LHX8: variants seen among roughly 807,000 people sequenced by gnomAD.
The protein encoded by LHX8 is LIM/homeobox protein Lhx8.
A neutral mutation model predicts 40.3 loss-of-function variants in LHX8; 12 were observed. The observed-to-expected ratio is 0.30, with a 90% CI of 0.19 to 0.48. The LOEUF (loss-of-function observed/expected upper bound fraction) is 0.48, where lower values mean the gene tolerates loss of function less well. Among genes scored for constraint, LHX8 ranks in the 20% least tolerant of loss-of-function variants. The pLI, the probability that LHX8 is intolerant of heterozygous loss-of-function variation, is 0.99. For missense variants in LHX8, 344 were observed against 433.7 expected (o/e 0.79, Z 1.84); for synonymous variants, 179 against 162.0 (o/e 1.10, Z -0.80).
In LHX8 at chr1:75,161,148, C is replaced by T. The variant is rs556833068; in HGVS notation, c.*253C>T. On this transcript the variant is annotated 3_prime_UTR_variant, in exon 9 of 9. Transcript: ENST00000356261. Reference sequence around the variant, plus strand: ...TTTTGTATTGTCTGGAAATAGTTCACTCTAGTGTGTATCTGTTAATTTATT... The same window carrying T: ...TTTTGTATTGTCTGGAAATAGTTCATTCTAGTGTGTATCTGTTAATTTATT... The T allele has an allele frequency of 2.4e-4, 112 of 462,930 alleles. No homozygotes were observed. The highest frequency in any genetic ancestry group is 2.1e-3 in the African/African-American group (109 of 50,820). The allele number at this position is 462,930 out of a possible 1,614,324, so 28.7% of individuals were successfully genotyped here. A position where few individuals can be genotyped will look rare whatever the true frequency, so the allele number is the denominator to read the frequency against.
intron 6 of LHX8, among the ~76,000 whole-genome samples, chr1:75,146,682 G>C (rs1526511): frequency 0.22 from 34,040 of 152,022 alleles, 4,401 homozygotes; most frequent in Middle Eastern, 0.34. Flanking sequence ...AAACTAAGTA[G>C]AAATTAAAAG....
At chr1:75,159,419 T>A (rs1648856626) in intron 8 of LHX8, 1 of 152,140 alleles carries the variant, frequency 6.6e-6, no homozygotes, top group South Asian at 2.1e-4. Context: ...TCAAATATTG[T>A]TTTTGCTCCT....
chr1:75,147,296 T>G (rs1024967408), intron 6 of LHX8, among the ~76,000 whole-genome samples: 5 of 152,156 alleles, frequency 3.3e-5, no homozygotes, highest in African/African-American at 1.2e-4. Flanking sequence ...CAGAACAATA[T>G]TGGCCTTTTT....
At chr1:75,190,932 A>G in the LHX8 span, among the ~76,000 whole-genome samples, 1 of 152,198 alleles carries the variant, frequency 6.6e-6, no homozygotes, top group Non-Finnish European at 1.5e-5. Flanking sequence ...AGAAAAGATT[A>G]TGGTGATAGT....
At chr1:75,190,838 T>C in the LHX8 span, among the ~76,000 whole-genome samples, 1 of 152,188 alleles carries the variant, frequency 6.6e-6, no homozygotes, top group African/African-American at 2.4e-5. Context: ...AATAACCACA[T>C]CTTGTGCTAA....
chr1:75,187,741 G>A, the LHX8 span, among the ~76,000 whole-genome samples: 2 of 152,156 alleles, frequency 1.3e-5, no homozygotes, highest in Admixed American at 1.3e-4. Context: ...AAACAAGACA[G>A]CATGGGAGTT....
intron 8 of LHX8, chr1:75,159,977 G>A (rs1307093837): frequency 6.6e-6 from 1 of 152,108 alleles, no homozygotes; most frequent in Non-Finnish European, 1.5e-5. Flanking sequence ...TTTTTAACTA[G>A]GGCTTCTCCT....
At chr1:75,178,468 TTATAG>T in the LHX8 span, among the ~76,000 whole-genome samples, 1 of 152,336 alleles carries the variant, frequency 6.6e-6, no homozygotes, top group Admixed American at 6.5e-5. Flanking sequence ...TTAAAGGTGT[TTATAG>T]TATTCTTTGA....
chr1:75,148,795 A>T (rs1387815812), intron 7 of LHX8, 113 bp downstream of exon 7: 3 of 728,204 alleles, frequency 4.1e-6, no homozygotes, highest in Non-Finnish European at 7.2e-6. Flanking sequence ...CTCCCACCTC[A>T]GCCTCCCAAA....
chr1:75,153,629 C>T (rs898343016), intron 7 of LHX8, among the ~76,000 whole-genome samples: 1 of 151,958 alleles, frequency 6.6e-6, no homozygotes, highest in African/African-American at 2.4e-5. Context: ...CCAGGCTGGT[C>T]TTGAACTCCT....
chr1:75,134,169 C>T (rs562694166), upstream of LHX8, among the ~76,000 whole-genome samples: 3 of 152,040 alleles, frequency 2.0e-5, no homozygotes, highest in African/African-American at 7.2e-5. Flanking sequence ...AACAGGACAT[C>T]CCCCAATTTT....
At chr1:75,167,719 A>G in the LHX8 span, among the ~76,000 whole-genome samples, 1 of 152,176 alleles carries the variant, frequency 6.6e-6, no homozygotes, top group East Asian at 1.9e-4. Context: ...TAGGGTTTCT[A>G]GGAGCTAGCA....
chr1:75,183,494 C>T, the LHX8 span, among the ~76,000 whole-genome samples: 1 of 151,830 alleles, frequency 6.6e-6, no homozygotes, highest in African/African-American at 2.4e-5. Context: ...AAAAAAAAAT[C>T]TTCAACCAAG....
Position 75,143,148 on chromosome 1 carries a change from G to A in LHX8, c.390G>A (p.Gly130=), listed in dbSNP as rs148556375. The A allele has an allele frequency of 8.1e-6, 13 of 1,613,512 alleles. No homozygotes were observed. The African/African-American group carries it at 1.6e-4, about 20-fold the overall frequency. Residue 130 remains glycine, a synonymous_variant, in exon 5 of 9, where the codon GGG becomes GGA. Transcript: ENST00000356261. ...ATGGAACTCGCTGCTCTCGATGTGG[G>A]AGACACATCCATTCTACTGACTGGG... ...RRYGTRCSRC[G]RHIHSTDWVR...
chr1:75,131,967 AGAT>A (rs1647986095), upstream of LHX8: 1 of 152,230 alleles, frequency 6.6e-6, no homozygotes, highest in Non-Finnish European at 1.5e-5. Flanking sequence ...TGGACACATA[AGAT>A]GATGTTTTTT....
the LHX8 span, among the ~76,000 whole-genome samples, chr1:75,173,501 G>C: frequency 1.4e-5 from 2 of 146,368 alleles, no homozygotes; most frequent in African/African-American, 5.1e-5. Flanking sequence ...TCCTGCCTCA[G>C]CCTCCCGAGT....
chr1:75,136,166 A>G (rs1177717085), intron 1 of LHX8, among the ~76,000 whole-genome samples: 2 of 150,364 alleles, frequency 1.3e-5, no homozygotes, highest in African/African-American at 4.9e-5. Context: ...TTCTTCTCCC[A>G]CCCCCTCCTC....
intron 2 of LHX8, 59 bp downstream of exon 2, chr1:75,136,748 G>C: frequency 7.4e-7 from 1 of 1,345,862 alleles, no homozygotes; most frequent in Non-Finnish European, 1.0e-6. Flanking sequence ...GGCGCAGGAC[G>C]AAGGGCCGCT....
chr1:75,155,112 T>C (rs1380891270), intron 7 of LHX8, among the ~76,000 whole-genome samples: 1 of 152,166 alleles, frequency 6.6e-6, no homozygotes, highest in South Asian at 2.1e-4. Context: ...CTCATATCCC[T>C]GATCCCAAAA....
Sources: gnomAD v4.1 joint callset for allele counts (sites outside exome capture counted in the v4.1 genomes callset) on GRCh38, gnomAD v4.1.1 for gene constraint, MANE v1.5 for transcripts, NCBI Gene and HGNC (gene_info 2026-07-23, HGNC 2026-07-21) for gene names.